The following ALDH1A2 variants were observed in gnomAD, a reference collection of about 807,000 sequenced individuals.
ALDH1A2 encodes the protein aldehyde dehydrogenase 1 family member A2, also known as retinal dehydrogenase 2.
ALDH1A2 carries 27 observed loss-of-function variants against 60.3 expected under a neutral mutation model. The ratio of observed to expected loss-of-function variants is 0.45; its 90% CI spans 0.33 to 0.62. The LOEUF (loss-of-function observed/expected upper bound fraction) is 0.62. Ranked by LOEUF, ALDH1A2 falls within the 20% of genes least tolerant of loss-of-function variation. The pLI is 0.02. For synonymous variants in ALDH1A2, 289 were observed against 232.4 expected (o/e 1.24, Z -2.21); for missense variants, 581 against 643.8 (o/e 0.90, Z 1.06).
intron 4 of ALDH1A2, among the ~76,000 whole-genome samples, chr15:57,998,380 A>G (rs1333762836): frequency 6.6e-6 from 1 of 152,120 alleles, no homozygotes; most frequent in Non-Finnish European, 1.5e-5. Flanking sequence ...AATGTGCAAA[A>G]ATCACAACCA....
At chr15:57,971,798 C>CA (rs1189138096) in intron 7 of ALDH1A2, among the ~76,000 whole-genome samples, 6 of 152,214 alleles carry the variant, frequency 3.9e-5, no homozygotes, top group African/African-American at 1.4e-4. Flanking sequence ...GATCACGGCT[C>CA]ACTGCATCCT....
At chr15:58,052,170 TG>T (rs1483670012) in intron 1 of ALDH1A2, among the ~76,000 whole-genome samples, 1 of 152,146 alleles carries the variant, frequency 6.6e-6, no homozygotes, top group Admixed American at 6.5e-5. Context: ...GACTACTCTT[TG>T]GTAACCATGA....
intron 12 of ALDH1A2, among the ~76,000 whole-genome samples, chr15:57,958,054 C>G (rs1261815242): frequency 6.6e-6 from 1 of 152,112 alleles, no homozygotes; most frequent in Non-Finnish European, 1.5e-5. Context: ...GTGATGTATA[C>G]TGGAGTCACT....
intron 1 of ALDH1A2, among the ~76,000 whole-genome samples, chr15:58,047,000 G>A (rs1186741478): frequency 6.6e-6 from 1 of 151,956 alleles, no homozygotes; most frequent in African/African-American, 2.4e-5. Flanking sequence ...GCCTTGCTTG[G>A]CCACTTTTGC....
At chr15:58,054,009 T>C (rs1455178843) in intron 1 of ALDH1A2, among the ~76,000 whole-genome samples, 1 of 152,162 alleles carries the variant, frequency 6.6e-6, no homozygotes, top group Non-Finnish European at 1.5e-5. Flanking sequence ...AATTACTAAA[T>C]TCTCAGGAGG....
intron 7 of ALDH1A2, among the ~76,000 whole-genome samples, chr15:57,970,671 C>T (rs1373365307): frequency 6.6e-6 from 1 of 152,080 alleles, no homozygotes; most frequent in Non-Finnish European, 1.5e-5. Context: ...AGGTGAGTTC[C>T]TACTCAGAGC....
At chr15:58,049,161 C>T (rs1438233791) in intron 1 of ALDH1A2, among the ~76,000 whole-genome samples, 1 of 152,104 alleles carries the variant, frequency 6.6e-6, no homozygotes, top group African/African-American at 2.4e-5. Flanking sequence ...GTTCTTTTCA[C>T]TGCTGAAGAG....
chr15:57,964,620 G>A (rs1443707930), intron 8 of ALDH1A2: 1 of 155,054 alleles, frequency 6.4e-6, no homozygotes, highest in Non-Finnish European at 1.4e-5. Context: ...TGTATGTTTG[G>A]TACTTGGGGG....
intron 7 of ALDH1A2, chr15:57,990,426 C>T (rs1894854720): frequency 1.3e-5 from 2 of 152,076 alleles, no homozygotes; most frequent in African/African-American, 2.4e-5. Context: ...GGAAAAACCA[C>T]CCTCAAGTGT....
chr15:58,040,201 C>G (rs1412280617), intron 1 of ALDH1A2, among the ~76,000 whole-genome samples: 2 of 151,936 alleles, frequency 1.3e-5, no homozygotes, highest in Non-Finnish European at 2.9e-5. Context: ...GAACACCTCT[C>G]TGCATATTCT....
At chr15:58,021,509 C>G (rs1895926928) in intron 1 of ALDH1A2, among the ~76,000 whole-genome samples, 1 of 152,196 alleles carries the variant, frequency 6.6e-6, no homozygotes. Flanking sequence ...ATTCTGGCCA[C>G]TTGAAAAGCC....
intron 12 of ALDH1A2, among the ~76,000 whole-genome samples, chr15:57,956,625 T>C (rs2140442741): frequency 1.3e-5 from 2 of 152,210 alleles, no homozygotes; most frequent in South Asian, 2.1e-4. Context: ...CCAACTGAAA[T>C]TGCCCCACTC....
intron 4 of ALDH1A2, among the ~76,000 whole-genome samples, chr15:58,010,171 G>C (rs1436016108): frequency 6.6e-6 from 1 of 152,056 alleles, no homozygotes; most frequent in Non-Finnish European, 1.5e-5. Flanking sequence ...AGAAAGTAGA[G>C]AAAAATATTA....
At position 57,954,692 on chromosome 15, in the gene ALDH1A2, AATG is replaced by A. The variant is rs1204247363; in HGVS notation, c.*502_*504del. ...TGCTTTGAAGAAATGGATAACATGA[AATG>A]ATAATTTGGCTTTACAACCTTGAAA... is the stretch of plus-strand genomic sequence containing the variant. On this transcript the variant is annotated 3_prime_UTR_variant, in exon 13 of 13. Coordinates refer to ENST00000249750, the MANE Select transcript of ALDH1A2 (RefSeq NM_003888.4). 2 of 189,850 alleles carry A rather than the reference AATG, an allele frequency of 1.1e-5. No homozygotes were observed. Among genetic ancestry groups the A allele is most frequent in the African/African-American group, 4.6e-5 (2 of 43,208 alleles). 11.8% of individuals were successfully genotyped at this position (189,850 alleles called of 1,614,324 possible). A position where few individuals can be genotyped will look rare whatever the true frequency, so the allele number is the denominator to read the frequency against.
chr15:57,976,191 G>C (rs1292194370), intron 7 of ALDH1A2, among the ~76,000 whole-genome samples: 1 of 152,136 alleles, frequency 6.6e-6, no homozygotes, highest in Non-Finnish European at 1.5e-5. Context: ...ATTCCATTCT[G>C]GCAAACTCAG....
chr15:57,980,123 C>T (rs1179464208), intron 7 of ALDH1A2: 9 of 294,192 alleles, frequency 3.1e-5, no homozygotes, highest in Non-Finnish European at 4.9e-5. Flanking sequence ...CTGGCTGGTA[C>T]ATTTGTTGGT....
chr15:57,974,805 C>A (rs952530278), intron 7 of ALDH1A2, among the ~76,000 whole-genome samples: 1 of 152,144 alleles, frequency 6.6e-6, no homozygotes, highest in South Asian at 2.1e-4. Flanking sequence ...TTAAGAGACA[C>A]TGGGAGAAAT....
intron 1 of ALDH1A2, among the ~76,000 whole-genome samples, chr15:58,055,624 A>G (rs566097727): frequency 6.6e-6 from 1 of 152,218 alleles, no homozygotes; most frequent in South Asian, 2.1e-4. Context: ...GTATATACAC[A>G]GAAGGGGTAG....
At chr15:58,037,810 G>C (rs1229748161) in intron 1 of ALDH1A2, among the ~76,000 whole-genome samples, 2 of 151,652 alleles carry the variant, frequency 1.3e-5, no homozygotes, top group East Asian at 3.9e-4. Flanking sequence ...CAGAAATAAA[G>C]ATAAGAGGTC....
Sources: gnomAD v4.1 joint callset for allele counts (sites outside exome capture counted in the v4.1 genomes callset) on GRCh38, gnomAD v4.1.1 for gene constraint, MANE v1.5 for transcripts, NCBI Gene and HGNC (gene_info 2026-07-23, HGNC 2026-07-21) for gene names.